The following ZNF626 variants were observed in gnomAD, a reference collection of about 807,000 sequenced individuals.
ZNF626 encodes the protein zinc finger protein 626.
Under a neutral mutation model 11.7 loss-of-function variants are expected in ZNF626, and 4 were observed. That is an observed-to-expected ratio of 0.34 (90% confidence interval 0.17 to 0.78). The LOEUF (loss-of-function observed/expected upper bound fraction) is 0.78. Ranked by LOEUF, ZNF626 falls within the 30% of genes least tolerant of loss-of-function variation. The pLI, the probability that ZNF626 is intolerant of heterozygous loss-of-function variation, is 0.57. For synonymous variants in ZNF626, 179 were observed against 198.6 expected (o/e 0.90, Z 0.83); for missense variants, 588 against 587.1 (o/e 1.00, Z -0.01).
intron 3 of ZNF626, chr19:20,645,291 G>C (rs1003997161): frequency 3.3e-6 from 5 of 1,510,922 alleles, no homozygotes; most frequent in Non-Finnish European, 4.4e-6. Context: ...AGACATTTCA[G>C]ATCTGATGCA....
At chr19:20,648,387 T>G (rs1409773291) in intron 1 of ZNF626, among the ~76,000 whole-genome samples, 2 of 151,322 alleles carry the variant, frequency 1.3e-5, no homozygotes, top group Non-Finnish European at 2.9e-5. Context: ...CTTCTTTTTT[T>G]TTTTTCTGAG....
intron 3 of ZNF626, among the ~76,000 whole-genome samples, chr19:20,633,754 C>G (rs1259108048): frequency 1.3e-5 from 2 of 152,210 alleles, no homozygotes; most frequent in Non-Finnish European, 2.9e-5. Flanking sequence ...GAGGCGATGC[C>G]TCGCCCTGCT....
intron 3 of ZNF626, among the ~76,000 whole-genome samples, chr19:20,630,573 G>T (rs1969891830): frequency 6.6e-6 from 1 of 151,854 alleles, no homozygotes; most frequent in African/African-American, 2.4e-5. Flanking sequence ...GCATAGAGGT[G>T]TTTATAGTAT....
chr19:20,624,838 C>A lies in ZNF626; in HGVS notation c.1039G>T (p.Gly347Cys), dbSNP rs1969804776. ...GTAGAGGAGTACTTAAAGGCTTTGCCACATTCTTCACATTTGTAGGGTTTG... is the reference window on the plus strand; with the variant it reads ...GTAGAGGAGTACTTAAAGGCTTTGCAACATTCTTCACATTTGTAGGGTTTG... ...EDKPYKCEEC[G>C]KAFKYSSTLT... The change falls in exon 4 of 4, where the codon GGC becomes TGC. Residue 347 changes from glycine to cysteine, a missense_variant. By Grantham distance (159) the Gly-to-Cys change is radical (BLOSUM62 -3). Around this residue, in one of 4 missense-constraint regions of ZNF626, gnomAD observed 524 missense variants for 470.1 expected, o/e 1.11. Transcript: ENST00000601440. The A allele has an allele frequency of 1.9e-6, 3 of 1,613,614 alleles. No homozygotes were observed. Among genetic ancestry groups the A allele is most frequent in the Non-Finnish European group, 2.5e-6 (3 of 1,179,962 alleles).
Position 20,622,011 on chromosome 19 carries a change from AC to A in ZNF626, c.*2278del, listed in dbSNP as rs1969763502. ...AGACTAGCCTGACCAATATGGGGAA[AC>A]CCCATGTCTATTAAAAATATAAAAA... On this transcript the variant is annotated 3_prime_UTR_variant, in exon 4 of 4. Transcript: ENST00000601440. The A allele has an allele frequency of 6.6e-6, 1 of 152,124 alleles. No homozygotes were observed. Among genetic ancestry groups the A allele is most frequent in the Non-Finnish European group, 1.5e-5 (1 of 68,032 alleles). The allele number at this position is 152,124 out of a possible 1,614,324, so 9.4% of individuals were successfully genotyped here. A position where few individuals can be genotyped will look rare whatever the true frequency, so the allele number is the denominator to read the frequency against.
chr19:20,636,151 A>G (rs1469802036), intron 3 of ZNF626, among the ~76,000 whole-genome samples: 1 of 152,114 alleles, frequency 6.6e-6, no homozygotes, highest in African/African-American at 2.4e-5. Flanking sequence ...CAAAACCAAA[A>G]CCAAAACCAA....
At chr19:20,643,125 G>A (rs551088971) in intron 3 of ZNF626, among the ~76,000 whole-genome samples, 1 of 152,000 alleles carries the variant, frequency 6.6e-6, no homozygotes, top group Non-Finnish European at 1.5e-5. Flanking sequence ...GTAAAATTTT[G>A]AGAATATGCA....
In ZNF626 at chr19:20,645,406, T is replaced by C. The variant is rs1555771805; in HGVS notation, c.226+278A>G. The C allele has an allele frequency of 2.5e-6, 4 of 1,611,312 alleles. No individual in the cohort carries two copies. The South Asian group carries it at 4.4e-5, about 18-fold the overall frequency. On this transcript the variant is annotated intron_variant, in intron 3 of 3. Transcript: ENST00000601440. ...ACACTGTGCAGTCTCTTATATGTCA[T>C]GAAGAGGACTTTGGCTCTCACTGTG... is the stretch of plus-strand genomic sequence containing the variant.
At chr19:20,648,445 CG>C (rs1970109255) in intron 1 of ZNF626, among the ~76,000 whole-genome samples, 1 of 151,004 alleles carries the variant, frequency 6.6e-6, no homozygotes, top group African/African-American at 2.4e-5. Context: ...GGCGCAATCT[CG>C]GCTCACTGCA....
intron 1 of ZNF626, among the ~76,000 whole-genome samples, chr19:20,650,044 C>T (rs782146407): frequency 1.3e-5 from 2 of 152,328 alleles, no homozygotes; most frequent in Non-Finnish European, 2.9e-5. Context: ...AACATGTACA[C>T]ACGTACTAAT....
intron 1 of ZNF626, among the ~76,000 whole-genome samples, chr19:20,660,691 GATTACAGGCTTGAGCC>G (rs1970256867): frequency 6.6e-6 from 1 of 152,148 alleles, no homozygotes; most frequent in South Asian, 2.1e-4. Flanking sequence ...GAAGTGCTGG[GATTACAGGCTTGAGCC>G]ACCGCGCCCA....
intron 3 of ZNF626, among the ~76,000 whole-genome samples, chr19:20,637,312 CTG>C (rs1969977225): frequency 6.6e-6 from 1 of 151,442 alleles, no homozygotes; most frequent in African/African-American, 2.4e-5. Flanking sequence ...TGGTGAAACC[CTG>C]TCTCTACTAA....
At chr19:20,648,522 G>A (rs568462272) in intron 1 of ZNF626, among the ~76,000 whole-genome samples, 4 of 151,848 alleles carry the variant, frequency 2.6e-5, no homozygotes, top group South Asian at 4.2e-4. Flanking sequence ...GACTACAGGC[G>A]CCTGCCACCA....
chr19:20,629,100 C>T lies in ZNF626; in HGVS notation c.227-3450G>A, dbSNP rs1459015378. ...CAAAGGTCAGATAGTTGTAGGTAAGCGGCATTATTTCTGAGGGCTCTGTTC... is the reference window on the plus strand; with the variant it reads ...CAAAGGTCAGATAGTTGTAGGTAAGTGGCATTATTTCTGAGGGCTCTGTTC... On this transcript the variant is annotated intron_variant, in intron 3 of 3. Coordinates refer to ENST00000601440, the MANE Select transcript of ZNF626 (RefSeq NM_001076675.3). 1.6e-4 allele frequency among the ~76,000 whole-genome samples: 25 copies of T among 152,146 alleles called. No individual in the cohort carries two copies. The East Asian group carries it at 2.5e-3, about 15-fold the overall frequency.
At chr19:20,647,546 GC>G (rs1440299159) in intron 1 of ZNF626, among the ~76,000 whole-genome samples, 2 of 147,896 alleles carry the variant, frequency 1.4e-5, no homozygotes, top group Non-Finnish European at 3.0e-5. Flanking sequence ...GAGTGCAGTG[GC>G]GCAGTCTCGG....
chr19:20,651,713 A>T (rs961449495), intron 1 of ZNF626, among the ~76,000 whole-genome samples: 1 of 152,220 alleles, frequency 6.6e-6, no homozygotes, highest in Non-Finnish European at 1.5e-5. Flanking sequence ...TGGTGGCCCA[A>T]TGATAAGCCA....
chr19:20,646,773 T>C (rs937236273), intron 1 of ZNF626, among the ~76,000 whole-genome samples: 12 of 152,212 alleles, frequency 7.9e-5, no homozygotes, highest in African/African-American at 2.7e-4. Context: ...AGTTTTAATA[T>C]GTACAATAAG....
rs1969787732 is a variant in ZNF626 at position 20,624,021 on chromosome 19, T to C, written c.*269A>G. On this transcript the variant is annotated 3_prime_UTR_variant, in exon 4 of 4. Transcript: ENST00000601440. ...TTCCCCATTCATCACATTCACATGGTTTCTCTCCAGTATGAATTATCTTAT... is the reference window on the plus strand; with the variant it reads ...TTCCCCATTCATCACATTCACATGGCTTCTCTCCAGTATGAATTATCTTAT... 2 of 654,758 alleles carry C rather than the reference T, an allele frequency of 3.1e-6. No homozygotes were observed. Among genetic ancestry groups the C allele is most frequent in the South Asian group, 3.4e-5 (2 of 58,272 alleles). The allele number at this position is 654,758 out of a possible 1,614,324, so 40.6% of individuals were successfully genotyped here. A position where few individuals can be genotyped will look rare whatever the true frequency, so the allele number is the denominator to read the frequency against.
chr19:20,646,975 G>A (rs1970086654), intron 1 of ZNF626, among the ~76,000 whole-genome samples: 1 of 152,088 alleles, frequency 6.6e-6, no homozygotes, highest in South Asian at 2.1e-4. Flanking sequence ...TGCCTCCTGA[G>A]TAGCTGGGAT....
Sources: gnomAD v4.1 joint callset for allele counts (sites outside exome capture counted in the v4.1 genomes callset) on GRCh38, gnomAD v4.1.1 for gene constraint, gnomAD v4.1.1 regional missense constraint, MANE v1.5 for transcripts, NCBI Gene and HGNC (gene_info 2026-07-23, HGNC 2026-07-21) for gene names.